Variants in CACNA1E observed in about 807,000 individuals in gnomAD.
CACNA1E encodes the protein calcium voltage-gated channel subunit alpha1 E.
A neutral mutation model predicts 259.2 loss-of-function variants in CACNA1E; 40 were observed. That is an observed-to-expected ratio of 0.15 (90% CI 0.12 to 0.20). CACNA1E has a LOEUF of 0.20. Ranked by LOEUF, CACNA1E falls within the 10% of genes least tolerant of loss-of-function variation. The pLI is 1.00. For missense variants in CACNA1E, 1,874 were observed against 3,040.1 expected (o/e 0.62, Z 9.02); for synonymous variants, 1,104 against 1,138.5 (o/e 0.97, Z 0.61).
chr1:181,763,583 G>T, intron 34 of CACNA1E, 52 bp downstream of exon 34: 2 of 1,427,664 alleles, frequency 1.4e-6, no homozygotes, highest in Non-Finnish European at 1.9e-6. Flanking sequence ...AGACAGTACA[G>T]CCAGGCAACA....
At chr1:181,579,784 A>C (rs1651338421) in intron 5 of CACNA1E, among the ~76,000 whole-genome samples, 1 of 152,208 alleles carries the variant, frequency 6.6e-6, no homozygotes, top group Non-Finnish European at 1.5e-5. Context: ...GAGATCTAGG[A>C]GTCCAGAGTC....
upstream of CACNA1E, among the ~76,000 whole-genome samples, chr1:181,478,540 C>G (rs1663013658): frequency 6.6e-6 from 1 of 152,226 alleles, no homozygotes; most frequent in African/African-American, 2.4e-5. Flanking sequence ...TAGAGCACTG[C>G]TTTGCATAAG....
chr1:181,601,593 G>A (rs780578934), intron 6 of CACNA1E, among the ~76,000 whole-genome samples: 1 of 152,146 alleles, frequency 6.6e-6, no homozygotes, highest in Non-Finnish European at 1.5e-5. Context: ...CTCATCAGTA[G>A]CTCCTTTGGC....
intron 7 of CACNA1E, among the ~76,000 whole-genome samples, chr1:181,678,101 G>A (rs1649559084): frequency 6.6e-6 from 1 of 152,164 alleles, no homozygotes; most frequent in Admixed American, 6.5e-5. Flanking sequence ...TTGCTTGTCT[G>A]GGTTCTCTGC....
intron 7 of CACNA1E, among the ~76,000 whole-genome samples, chr1:181,696,983 C>G (rs977786967): frequency 9.9e-5 from 15 of 152,140 alleles, no homozygotes; most frequent in African/African-American, 3.6e-4. Context: ...GAATTTAATG[C>G]CTTCTTTATA....
intron 7 of CACNA1E, among the ~76,000 whole-genome samples, chr1:181,703,621 G>T (rs2102389177): frequency 6.6e-6 from 1 of 152,282 alleles, no homozygotes; most frequent in Non-Finnish European, 1.5e-5. Flanking sequence ...AAAGAAAAAA[G>T]ACCAGTCATT....
intron 1 of CACNA1E, among the ~76,000 whole-genome samples, chr1:181,372,084 T>C (rs936701998): frequency 2.0e-5 from 3 of 152,228 alleles, no homozygotes; most frequent in African/African-American, 7.2e-5. Flanking sequence ...TTTGGGCTTC[T>C]TTTTGGTTCC....
intron 6 of CACNA1E, among the ~76,000 whole-genome samples, chr1:181,625,986 G>T (rs1268569820): frequency 1.3e-5 from 2 of 152,102 alleles, no homozygotes; most frequent in Non-Finnish European, 2.9e-5. Flanking sequence ...AGGGGATAGG[G>T]AGGCCAAAAA....
rs1033531217 is a variant in CACNA1E at position 181,720,148 on chromosome 1, C to G, written c.1752-58C>G. ...ACTACCAGGCATATGCTGAGCTGGG[C>G]TTGGTGGGTGACTTGGTATGCAGTG... On this transcript the variant is annotated intron_variant, in intron 13 of 47. Transcript: ENST00000367573. 4 of 1,602,594 alleles carry G rather than the reference C, an allele frequency of 2.5e-6. No individual in the cohort carries two copies. In the East Asian group the frequency reaches 6.7e-5, roughly 27 times the overall value.
At chr1:181,705,390 G>GA (rs1269370624) in intron 7 of CACNA1E, among the ~76,000 whole-genome samples, 2 of 152,242 alleles carry the variant, frequency 1.3e-5, no homozygotes, top group East Asian at 3.9e-4. Context: ...AACTGCTGCA[G>GA]AAAAAAAGCA....
intron 3 of CACNA1E, among the ~76,000 whole-genome samples, chr1:181,573,514 C>G (rs1650630201): frequency 1.3e-5 from 2 of 152,212 alleles, no homozygotes; most frequent in Non-Finnish European, 1.5e-5. Flanking sequence ...CTCTCTAGCT[C>G]TCTTACTGAG....
chr1:181,758,211 A>G lies in CACNA1E; in HGVS notation c.4494+100A>G. The G allele has an allele frequency of 9.4e-7, 1 of 1,062,894 alleles. No individual in the cohort carries two copies. The highest frequency in any genetic ancestry group is 1.4e-6 in the Non-Finnish European group (1 of 720,856). 65.8% of individuals were successfully genotyped at this position (1,062,894 alleles called of 1,614,324 possible). ...CAACATCCCAGCCCATCACTGCTTT[A>G]CCTACTTTTCCATCATTGAATCCTT... is the stretch of plus-strand genomic sequence containing the variant. On this transcript the variant is annotated intron_variant, in intron 31 of 47. Transcript: ENST00000367573. This position sits in a 1 kb window ranked among gnomAD's most constrained non-coding sequence, Gnocchi z 4.2.
At chr1:181,557,231 G>T (rs1030754915) in intron 3 of CACNA1E, among the ~76,000 whole-genome samples, 2 of 152,322 alleles carry the variant, frequency 1.3e-5, no homozygotes, top group Non-Finnish European at 2.9e-5. Context: ...CAAAGTACCT[G>T]ACGATGAGAT....
intron 7 of CACNA1E, among the ~76,000 whole-genome samples, chr1:181,685,498 C>A (rs975770259): frequency 6.6e-6 from 1 of 152,008 alleles, no homozygotes; most frequent in African/African-American, 2.4e-5. Context: ...CTGACTTGGC[C>A]CCTCTTGGAG....
chr1:181,422,227 A>G (rs1263001036), intron 2 of CACNA1E, among the ~76,000 whole-genome samples: 2 of 152,206 alleles, frequency 1.3e-5, no homozygotes. Flanking sequence ...AACCCCCACA[A>G]GAATGTTGGT....
At chr1:181,400,104 C>A (rs192096227) in intron 1 of CACNA1E, among the ~76,000 whole-genome samples, 25 of 152,202 alleles carry the variant, frequency 1.6e-4, no homozygotes, top group Admixed American at 4.6e-4. Context: ...TGTTCCCCCC[C>A]ACCAGGGGTA....
Position 181,802,633 on chromosome 1 carries a change from T to C in CACNA1E, c.*3799T>C, listed in dbSNP as rs1300911295. On this transcript the variant is annotated 3_prime_UTR_variant, in exon 48 of 48. Transcript: ENST00000367573. The stretch of plus-strand genomic sequence containing the variant: ...AATATTGCATTCTAATGAAATAGGG[T>C]TTGGAACTCACCTGGTGCTCCTCGC... 1 of 152,142 alleles carries C rather than the reference T, an allele frequency of 6.6e-6. No homozygotes were observed. Among genetic ancestry groups the C allele is most frequent in the Non-Finnish European group, 1.5e-5 (1 of 68,044 alleles). The allele number at this position is 152,142 out of a possible 1,614,324, so 9.4% of individuals were successfully genotyped here.
At chr1:181,562,012 A>C (rs927601651) in intron 3 of CACNA1E, among the ~76,000 whole-genome samples, 15 of 151,934 alleles carry the variant, frequency 9.9e-5, no homozygotes, top group Non-Finnish European at 1.5e-5. Context: ...CCATCTTTTC[A>C]TGTGCTTATT....
intron 6 of CACNA1E, among the ~76,000 whole-genome samples, chr1:181,605,977 T>G (rs1039985562): frequency 6.6e-6 from 1 of 152,174 alleles, no homozygotes; most frequent in Admixed American, 6.5e-5. Flanking sequence ...TATCTCTCAG[T>G]GGCATTCAAC....
Sources: allele counts gnomAD v4.1 joint callset (sites outside exome capture counted in the v4.1 genomes callset), GRCh38; gene constraint gnomAD v4.1.1; non-coding constraint Gnocchi (gnomAD v3.1); transcripts MANE v1.5; gene names NCBI Gene and HGNC (gene_info 2026-07-23, HGNC 2026-07-21).